The following PTPRG variants were observed in gnomAD, a reference collection of about 807,000 sequenced individuals.
The protein encoded by PTPRG is protein tyrosine phosphatase receptor type G, also known as receptor-type tyrosine-protein phosphatase gamma.
In PTPRG, 102 loss-of-function variants were observed where a neutral mutation model predicts 165.3. That is an observed-to-expected ratio of 0.62 (90% CI 0.53 to 0.73). The LOEUF is 0.73. Ranked by LOEUF, PTPRG falls within the 30% of genes least tolerant of loss-of-function variation. PTPRG has a pLI of 0.00. For missense variants in PTPRG, 1,866 were observed against 1,861.4 expected, an observed-to-expected ratio of 1.00 and a Z score of -0.05; for synonymous variants, 675 against 669.5, an observed-to-expected ratio of 1.01 and a Z score of -0.13.
At chr3:61,654,333 T>C (rs1240533209) in intron 1 of PTPRG, among the ~76,000 whole-genome samples, 1 of 152,200 alleles carries the variant, frequency 6.6e-6, no homozygotes, top group Non-Finnish European at 1.5e-5. Flanking sequence ...TTGCTTCATA[T>C]GCTTTGAGGC....
chr3:62,137,057 A>T (rs1703736423), intron 6 of PTPRG, among the ~76,000 whole-genome samples: 1 of 152,194 alleles, frequency 6.6e-6, no homozygotes, highest in Non-Finnish European at 1.5e-5. Flanking sequence ...GAATGGAGTG[A>T]GGTGATTTGC....
At chr3:62,057,920 A>G (rs1700684821) in intron 4 of PTPRG, among the ~76,000 whole-genome samples, 1 of 152,222 alleles carries the variant, frequency 6.6e-6, no homozygotes, top group South Asian at 2.1e-4. Flanking sequence ...ATCAGTGGGT[A>G]GGAATTATTT....
chr3:61,645,273 A>G (rs1702167909), intron 1 of PTPRG, among the ~76,000 whole-genome samples: 1 of 152,224 alleles, frequency 6.6e-6, no homozygotes, highest in South Asian at 2.1e-4. Context: ...GTTGTGATTA[A>G]TAGCTTTGTC....
At chr3:62,249,235 A>C (rs1307988382) in intron 15 of PTPRG, among the ~76,000 whole-genome samples, 1 of 152,124 alleles carries the variant, frequency 6.6e-6, no homozygotes, top group African/African-American at 2.4e-5. Context: ...TATCTTCCTA[A>C]GTTGACACAA....
At chr3:62,004,055 G>A (rs2041234802) in intron 4 of PTPRG, among the ~76,000 whole-genome samples, 1 of 152,160 alleles carries the variant, frequency 6.6e-6, no homozygotes, top group Admixed American at 6.5e-5. Flanking sequence ...GACAGAAGAA[G>A]GGTGTGGGTG....
At chr3:61,825,353 C>A (rs2036075704) in intron 2 of PTPRG, among the ~76,000 whole-genome samples, 1 of 152,114 alleles carries the variant, frequency 6.6e-6, no homozygotes. Context: ...AATAGACAAA[C>A]TACAGAAAAA....
intron 14 of PTPRG, among the ~76,000 whole-genome samples, chr3:62,241,409 C>G (rs768100166): frequency 2.0e-5 from 3 of 152,190 alleles, no homozygotes; most frequent in Admixed American, 1.3e-4. Flanking sequence ...CAGCAAGGTA[C>G]AGATGCGGAG....
rs563671462 is a variant in PTPRG, at chr3:62,119,600, AT to A, written c.616-12990del. 2.0e-3 allele frequency among the ~76,000 whole-genome samples: 301 copies of A among 147,032 alleles called. 3 individuals carry two copies. Among genetic ancestry groups the A allele is most frequent in the Non-Finnish European group, 1.0e-3 (68 of 66,214 alleles). On this transcript the variant is annotated intron_variant, in intron 5 of 29. Transcript: ENST00000474889. ...TTACGCTGGCATGGGTTGTGATTAG[AT>A]TTTTTTTTTTTAATTTTTTTATTTT...
intron 2 of PTPRG, among the ~76,000 whole-genome samples, chr3:61,870,114 G>A (rs2037524304): frequency 6.6e-6 from 1 of 151,438 alleles, no homozygotes; most frequent in Non-Finnish European, 1.5e-5. Flanking sequence ...ATTGTGGGAG[G>A]ACACAAACAT....
In PTPRG at chr3:62,203,633, A is replaced by C; in HGVS notation, c.1838A>C (p.His613Pro). ...SEKKEKSGVT[H>P]AAEERNQTEP... is the part of the protein sequence containing the mutation. The stretch of plus-strand genomic sequence containing the variant: ...AAGAAGGAGAAGAGTGGGGTGACCC[A>C]CGCTGCCGAGGAGCGGAATCAGACG... Residue 613 changes from histidine (H) to proline (P), a missense_variant, in exon 12 of 30, where the codon CAC becomes CCC. This residue lies in a region of PTPRG where 1,452 missense variants were observed against 1,463.0 expected (regional missense o/e 0.99). Coordinates refer to ENST00000474889, the MANE Select transcript of PTPRG (RefSeq NM_002841.4). The surrounding 1 kb of genome is among the most constrained non-coding windows in gnomAD (Gnocchi z 6.4). The C allele has an allele frequency of 1.3e-6, 2 of 1,556,154 alleles. No individual in the cohort carries two copies. The highest frequency in any genetic ancestry group is 1.7e-6 in the Non-Finnish European group (2 of 1,149,320).
chr3:62,168,957 A>C (rs1055610322), intron 8 of PTPRG, among the ~76,000 whole-genome samples: 1 of 151,980 alleles, frequency 6.6e-6, no homozygotes, highest in African/African-American at 2.4e-5. Flanking sequence ...AAGATGATGG[A>C]GTTCGGCCAT....
chr3:62,078,183 T>C lies in PTPRG; in HGVS notation c.540T>C (p.Asn180=), dbSNP rs1701453785. 2 of 1,605,312 alleles carry C rather than the reference T, an allele frequency of 1.2e-6. No homozygotes were observed. The highest frequency in any genetic ancestry group is 1.7e-6 in the Non-Finnish European group (2 of 1,175,606). Residue 180 remains asparagine (N), a synonymous_variant, in exon 5 of 30, where the codon AAT becomes AAC. Coordinates refer to ENST00000474889, the MANE Select transcript of PTPRG (RefSeq NM_002841.4). ...TACAGATGCAGATTTTCTTTTACAA[T>C]CCAGATGACTTTGACAGCTTTCAAA... ...FPVEMQIFFY[N]PDDFDSFQTA...
intron 1 of PTPRG, among the ~76,000 whole-genome samples, chr3:61,620,636 T>C (rs931736671): frequency 3.0e-4 from 45 of 152,166 alleles, no homozygotes; most frequent in African/African-American, 1.1e-3. Context: ...ACTTTTTTTT[T>C]TCTTTTTTGA....
chr3:62,275,591 C>A (rs182628725), intron 23 of PTPRG, among the ~76,000 whole-genome samples: 1 of 152,216 alleles, frequency 6.6e-6, no homozygotes, highest in African/African-American at 2.4e-5. Flanking sequence ...AGGAAGACCC[C>A]AATTCTATAA....
chr3:62,103,203 A>T (rs1006078270), intron 5 of PTPRG, among the ~76,000 whole-genome samples: 3 of 144,884 alleles, frequency 2.1e-5, no homozygotes, highest in African/African-American at 7.8e-5. Context: ...CAAGACTGTG[A>T]TCTTTCTGTG....
Position 62,255,016 on chromosome 3 carries a change from C to T in PTPRG, c.2468-108C>T. Reference sequence around the variant, plus strand: ...TATTTTGTGTGATACAATTATTTTGCTCTTTGCAAAAATCAAGTATTTGTC... The same window carrying T: ...TATTTTGTGTGATACAATTATTTTGTTCTTTGCAAAAATCAAGTATTTGTC... On this transcript the variant is annotated intron_variant, in intron 15 of 29. Coordinates refer to ENST00000474889, the MANE Select transcript of PTPRG (RefSeq NM_002841.4). The surrounding 1 kb of genome is among the most constrained non-coding windows in gnomAD (Gnocchi z 4.0). The T allele has an allele frequency of 1.2e-6, 1 of 863,544 alleles. No homozygotes were observed. The highest frequency in any genetic ancestry group is 1.8e-6 in the Non-Finnish European group (1 of 558,798). The allele number at this position is 863,544 out of a possible 1,614,324, so 53.5% of individuals were successfully genotyped here.
intron 8 of PTPRG, among the ~76,000 whole-genome samples, chr3:62,174,869 T>A (rs958931652): frequency 6.6e-6 from 1 of 152,224 alleles, no homozygotes; most frequent in African/African-American, 2.4e-5. Flanking sequence ...CCAGAAACTT[T>A]TAGCATAGGA....
chr3:61,830,658 T>A (rs2036259518), intron 2 of PTPRG, among the ~76,000 whole-genome samples: 1 of 135,188 alleles, frequency 7.4e-6, no homozygotes. Context: ...CACTGCAACC[T>A]CCACCTCTCA....
intron 1 of PTPRG, among the ~76,000 whole-genome samples, chr3:61,684,753 T>A (rs568878766): frequency 2.9e-4 from 44 of 152,332 alleles, no homozygotes; most frequent in African/African-American, 1.0e-3. Context: ...TTAATGTAGA[T>A]TAAAACTTGC....
Sources: gnomAD v4.1 joint callset for allele counts (sites outside exome capture counted in the v4.1 genomes callset) on GRCh38, gnomAD v4.1.1 for gene constraint, gnomAD v4.1.1 regional missense constraint, Gnocchi (gnomAD v3.1) non-coding constraint, MANE v1.5 for transcripts, NCBI Gene and HGNC (gene_info 2026-07-23, HGNC 2026-07-21) for gene names.